Variants in SIAH1 observed in about 807,000 individuals in gnomAD.
SIAH1 encodes E3 ubiquitin-protein ligase SIAH1.
SIAH1 carries 2 observed loss-of-function variants against 20.0 expected under a neutral mutation model. The observed-to-expected ratio is 0.10, with a 90% CI of 0.04 to 0.31. The LOEUF is 0.31. Ranked by LOEUF, SIAH1 falls within the 10% of genes least tolerant of loss-of-function variation. The probability of loss-of-function intolerance (pLI) is 1.00; values close to 1 mark genes in which losing one functional copy is unlikely to be tolerated. For missense variants in SIAH1, 119 were observed against 355.3 expected (o/e 0.33, Z 5.35); for synonymous variants, 118 against 125.3 (o/e 0.94, Z 0.39).
chr16:48,383,050 C>T (rs1961339702), intron 1 of SIAH1, among the ~76,000 whole-genome samples: 2 of 152,018 alleles, frequency 1.3e-5, no homozygotes, highest in African/African-American at 4.8e-5. Flanking sequence ...AAGAACTTCC[C>T]GAAGCTTAGA....
chr16:48,367,226 TA>T (rs1380833313), intron 1 of SIAH1, among the ~76,000 whole-genome samples: 2 of 152,250 alleles, frequency 1.3e-5, no homozygotes, highest in Non-Finnish European at 2.9e-5. Context: ...CGACAGGTCT[TA>T]AATTTCCCTA....
At position 48,362,397 on chromosome 16, in the gene SIAH1, G is replaced by C. The variant is rs1021410728; in HGVS notation, c.32C>G (p.Thr11Ser). The C allele has an allele frequency of 6.8e-6, 11 of 1,614,134 alleles. No homozygotes were observed. The highest frequency in any genetic ancestry group is 1.7e-5 in the Admixed American group (1 of 60,030). The stretch of plus-strand genomic sequence containing the variant: ...GGATGGTGGACACTTCGAGGTACCG[G>C]TAGGTAATGCTGTAGCAGTCTGACG... MSRQTATALP[T>S]GTSKCPPSQR... Residue 11 changes from threonine (T) to serine (S), a missense_variant, in exon 2 of 2, where the codon ACC (threonine) becomes AGC (serine). Around this residue, in one of 2 missense-constraint regions of SIAH1, gnomAD observed 35 missense variants for 47.5 expected, o/e 0.74. Transcript: ENST00000394725. The surrounding 1 kb of genome is among the most constrained non-coding windows in gnomAD (Gnocchi z 4.2).
chr16:48,372,776 T>C (rs997281756), intron 1 of SIAH1, among the ~76,000 whole-genome samples: 1 of 152,170 alleles, frequency 6.6e-6, no homozygotes, highest in African/African-American at 2.4e-5. Context: ...CCGGTAACAG[T>C]CAATTTCATA....
upstream of SIAH1, among the ~76,000 whole-genome samples, chr16:48,386,082 G>A (rs2151057965): frequency 6.6e-6 from 1 of 152,290 alleles, no homozygotes; most frequent in East Asian, 1.9e-4. Flanking sequence ...CCTAATTAGG[G>A]ACTCTGCATT....
chr16:48,366,066 G>A (rs938743755), intron 1 of SIAH1, among the ~76,000 whole-genome samples: 78 of 152,228 alleles, frequency 5.1e-4, no homozygotes, highest in Non-Finnish European at 1.0e-3. Flanking sequence ...CCCAGCCAAA[G>A]GCCGGGGGCG....
At chr16:48,371,596 G>T (rs1960988097) in intron 1 of SIAH1, among the ~76,000 whole-genome samples, 1 of 152,214 alleles carries the variant, frequency 6.6e-6, no homozygotes. Flanking sequence ...GAACCAGGCA[G>T]AGGGCCAAAC....
At chr16:48,369,928 T>A (rs1411657179) in intron 1 of SIAH1, among the ~76,000 whole-genome samples, 1 of 152,346 alleles carries the variant, frequency 6.6e-6, no homozygotes, top group Non-Finnish European at 1.5e-5. Context: ...TCTGAAAGGA[T>A]TACGTAAGTG....
At chr16:48,365,935 G>A in intron 1 of SIAH1, 1 of 1,213,328 alleles carries the variant, frequency 8.2e-7, no homozygotes, top group Non-Finnish European at 1.0e-6. Flanking sequence ...GCCGGGGCTG[G>A]GCCTGCGTTG....
intron 1 of SIAH1, chr16:48,363,792 C>G (rs1027457341): frequency 1.2e-5 from 2 of 166,654 alleles, no homozygotes; most frequent in African/African-American, 4.8e-5. Flanking sequence ...ATGTAACTAG[C>G]CAGGCTGAGT....
intron 1 of SIAH1, among the ~76,000 whole-genome samples, chr16:48,376,798 C>G (rs796649245): frequency 5.9e-5 from 9 of 152,298 alleles, no homozygotes; most frequent in African/African-American, 2.2e-4. Flanking sequence ...AAAGCTAAAT[C>G]AGGGCCCTTG....
intron 1 of SIAH1, among the ~76,000 whole-genome samples, chr16:48,376,834 T>G (rs1013508666): frequency 2.6e-5 from 4 of 152,162 alleles, no homozygotes; most frequent in Non-Finnish European, 5.9e-5. Flanking sequence ...TAAAGCTACC[T>G]TACCCAACAA....
chr16:48,363,043 T>C (rs961923961), intron 1 of SIAH1: 1 of 166,972 alleles, frequency 6.0e-6, no homozygotes, highest in Non-Finnish European at 1.5e-5. Flanking sequence ...AGAGATCACT[T>C]AAATTATACA....
chr16:48,378,976 T>C (rs1220010254), intron 1 of SIAH1, among the ~76,000 whole-genome samples: 3 of 152,258 alleles, frequency 2.0e-5, no homozygotes, highest in Non-Finnish European at 4.4e-5. Context: ...TGTAATTCTG[T>C]TTCTTTCTTT....
chr16:48,362,630 G>T lies in SIAH1; in HGVS notation c.-2-200C>A. ...GCACTTTATTAGGATCTGTACACTG[G>T]ATAAGCTCTCTTTTCAAAATGTTCC... is the stretch of plus-strand genomic sequence containing the variant. On this transcript the variant is annotated intron_variant, in intron 1 of 1. Transcript: ENST00000394725. The surrounding 1 kb of genome is among the most constrained non-coding windows in gnomAD (Gnocchi z 4.2). 1 of 556,438 alleles carries T rather than the reference G, an allele frequency of 1.8e-6. No individual in the cohort carries two copies. Among genetic ancestry groups the T allele is most frequent in the Non-Finnish European group, 3.2e-6 (1 of 311,038 alleles). 34.5% of individuals were successfully genotyped at this position (556,438 alleles called of 1,614,324 possible). A position where few individuals can be genotyped will look rare whatever the true frequency, so the allele number is the denominator to read the frequency against.
chr16:48,384,227 C>T (rs1023055052), intron 1 of SIAH1, among the ~76,000 whole-genome samples: 1 of 152,142 alleles, frequency 6.6e-6, no homozygotes, highest in Admixed American at 6.5e-5. Flanking sequence ...AACACCGTCC[C>T]ATATCCAGTA....
At chr16:48,386,377 C>G (rs1961467698), upstream of SIAH1, among the ~76,000 whole-genome samples, 1 of 152,052 alleles carries the variant, frequency 6.6e-6, no homozygotes, top group African/African-American at 2.4e-5. Context: ...CGTGGTGGTG[C>G]ACGCCTGTAG....
intron 1 of SIAH1, among the ~76,000 whole-genome samples, chr16:48,380,488 T>C (rs902894438): frequency 6.7e-6 from 1 of 149,894 alleles, no homozygotes; most frequent in Non-Finnish European, 1.5e-5. Context: ...AACTCACCAA[T>C]AACAAAACAA....
At chr16:48,383,568 A>C (rs532979593) in intron 1 of SIAH1, among the ~76,000 whole-genome samples, 122 of 152,344 alleles carry the variant, frequency 8.0e-4, no homozygotes, top group African/African-American at 2.7e-3. Flanking sequence ...CACTTTTCTA[A>C]GTTGGTTAAC....
At chr16:48,365,283 A>C in intron 1 of SIAH1, 1 of 1,176,174 alleles carries the variant, frequency 8.5e-7, no homozygotes, top group South Asian at 1.4e-5. Context: ...AACCTCGGAA[A>C]CGTCTCGATT....
Sources: gnomAD v4.1 joint callset for allele counts (sites outside exome capture counted in the v4.1 genomes callset) on GRCh38, gnomAD v4.1.1 for gene constraint, gnomAD v4.1.1 regional missense constraint, Gnocchi (gnomAD v3.1) non-coding constraint, MANE v1.5 for transcripts, NCBI Gene and HGNC (gene_info 2026-07-23, HGNC 2026-07-21) for gene names.